The following MACROD2 variants were observed in gnomAD, a reference collection of about 807,000 sequenced individuals.
MACROD2 encodes the protein mono-ADP ribosylhydrolase 2, also known as ADP-ribose glycohydrolase MACROD2.
MACROD2 carries 36 observed loss-of-function variants against 70.4 expected under a neutral mutation model. The ratio of observed to expected loss-of-function variants is 0.51; its 90% CI spans 0.39 to 0.68. MACROD2 has a LOEUF of 0.68. MACROD2 is among the 30% of genes least tolerant of loss of function. MACROD2 has a pLI of 0.00. For missense variants in MACROD2, 496 were observed against 538.4 expected (o/e 0.92, Z 0.78); for synonymous variants, 172 against 178.8 (o/e 0.96, Z 0.30).
chr20:14,999,179 T>A (rs1025715556), intron 5 of MACROD2, among the ~76,000 whole-genome samples: 1 of 152,044 alleles, frequency 6.6e-6, no homozygotes, highest in African/African-American at 2.4e-5. Context: ...TAATAAGCAA[T>A]AGGAAATCAT....
intron 5 of MACROD2, among the ~76,000 whole-genome samples, chr20:15,203,969 G>A (rs1027388507): frequency 6.6e-6 from 1 of 152,044 alleles, no homozygotes; most frequent in African/African-American, 2.4e-5. Flanking sequence ...GAGTGTGAAT[G>A]GTATAAAATA....
intron 2 of MACROD2, among the ~76,000 whole-genome samples, chr20:14,043,037 G>GT (rs1182694790): frequency 1.3e-5 from 2 of 151,850 alleles, no homozygotes; most frequent in Non-Finnish European, 2.9e-5. Context: ...TCCTGCTTCA[G>GT]TCTCCCAAGT....
intron 5 of MACROD2, among the ~76,000 whole-genome samples, chr20:15,198,490 AT>A (rs997669363): frequency 6.6e-6 from 1 of 152,136 alleles, no homozygotes; most frequent in Admixed American, 6.6e-5. Flanking sequence ...CATTTTTATT[AT>A]TTTTTATACC....
chr20:14,806,843 G>A (rs905436792), intron 5 of MACROD2, among the ~76,000 whole-genome samples: 5 of 152,146 alleles, frequency 3.3e-5, no homozygotes, highest in African/African-American at 1.2e-4. Flanking sequence ...AACTGGGCAG[G>A]GCCCACCGCA....
At chr20:15,972,181 A>C (rs1231526898) in intron 13 of MACROD2, among the ~76,000 whole-genome samples, 1 of 151,346 alleles carries the variant, frequency 6.6e-6, no homozygotes, top group Non-Finnish European at 1.5e-5. Context: ...TGAAAACAGA[A>C]TAAGTGACTG....
chr20:14,455,581 A>C (rs1450088231), intron 3 of MACROD2, among the ~76,000 whole-genome samples: 1 of 151,862 alleles, frequency 6.6e-6, no homozygotes. Context: ...TTTAATCCAC[A>C]AAAGATGTAA....
chr20:15,265,157 G>GT (rs2077282261), intron 6 of MACROD2, among the ~76,000 whole-genome samples: 1 of 152,174 alleles, frequency 6.6e-6, no homozygotes, highest in Non-Finnish European at 1.5e-5. Flanking sequence ...GTGCTAAGAA[G>GT]TGGCTATTTG....
chr20:15,053,325 G>C (rs1221656034), intron 5 of MACROD2, among the ~76,000 whole-genome samples: 1 of 152,206 alleles, frequency 6.6e-6, no homozygotes, highest in Non-Finnish European at 1.5e-5. Context: ...AGAAGTCATA[G>C]GTTGGCCTCA....
chr20:14,666,378 C>G (rs1293911359), intron 4 of MACROD2, among the ~76,000 whole-genome samples: 2 of 152,102 alleles, frequency 1.3e-5, no homozygotes, highest in Non-Finnish European at 2.9e-5. Context: ...TGAAAACATT[C>G]TTAGCAGGGA....
At chr20:14,360,219 A>G (rs933693977) in intron 3 of MACROD2, among the ~76,000 whole-genome samples, 1 of 152,154 alleles carries the variant, frequency 6.6e-6, no homozygotes, top group Non-Finnish European at 1.5e-5. Context: ...GACTATAGCT[A>G]AATAAAAATC....
At chr20:14,452,149 A>T (rs550603680) in intron 3 of MACROD2, among the ~76,000 whole-genome samples, 25 of 152,220 alleles carry the variant, frequency 1.6e-4, no homozygotes, top group Middle Eastern at 3.4e-3. Flanking sequence ...AATTACAAGG[A>T]TAGAAGATAA....
At chr20:15,545,985 T>A (rs2048021293) in intron 8 of MACROD2, among the ~76,000 whole-genome samples, 1 of 152,244 alleles carries the variant, frequency 6.6e-6, no homozygotes, top group African/African-American at 2.4e-5. Context: ...CTGGGCACGA[T>A]GGCTCATGCC....
At chr20:15,599,599 C>T (rs1340322543) in intron 8 of MACROD2, among the ~76,000 whole-genome samples, 1 of 152,142 alleles carries the variant, frequency 6.6e-6, no homozygotes, top group African/African-American at 2.4e-5. Context: ...TAATAATAAA[C>T]TCCTAATGAG....
chr20:15,756,228 G>A (rs2051345137), intron 8 of MACROD2, among the ~76,000 whole-genome samples: 1 of 152,152 alleles, frequency 6.6e-6, no homozygotes, highest in Admixed American at 6.5e-5. Flanking sequence ...CACTTGGTTG[G>A]CAGAGTGAAA....
At chr20:15,596,854 G>A (rs2048752432) in intron 8 of MACROD2, among the ~76,000 whole-genome samples, 1 of 152,210 alleles carries the variant, frequency 6.6e-6, no homozygotes, top group South Asian at 2.1e-4. Context: ...AAGGTCCACA[G>A]AATCATTGCA....
chr20:16,031,589 G>A (rs2067152243), intron 15 of MACROD2, among the ~76,000 whole-genome samples: 1 of 152,066 alleles, frequency 6.6e-6, no homozygotes, highest in Non-Finnish European at 1.5e-5. Context: ...ACTGATGTGG[G>A]CCTGGATAAA....
intron 3 of MACROD2, among the ~76,000 whole-genome samples, chr20:14,215,063 C>CAT (rs529054926): frequency 7.4e-6 from 1 of 134,728 alleles, no homozygotes; most frequent in Non-Finnish European, 1.5e-5. Context: ...TATATTCCAT[C>CAT]ATATATCTAT....
At chr20:15,607,352 G>A (rs1009196225) in intron 8 of MACROD2, among the ~76,000 whole-genome samples, 3 of 152,118 alleles carry the variant, frequency 2.0e-5, no homozygotes, top group Non-Finnish European at 4.4e-5. Flanking sequence ...CCCCTAATTA[G>A]GTTTGCTTGG....
chr20:14,449,350 C>T (rs2084219514), intron 3 of MACROD2, among the ~76,000 whole-genome samples: 1 of 152,068 alleles, frequency 6.6e-6, no homozygotes, highest in South Asian at 2.1e-4. Context: ...TTTTCAGCAT[C>T]CACTAAATAC....
Sources: allele counts gnomAD v4.1 joint callset (sites outside exome capture counted in the v4.1 genomes callset), GRCh38; gene constraint gnomAD v4.1.1; transcripts MANE v1.5; gene names NCBI Gene and HGNC (gene_info 2026-07-23, HGNC 2026-07-21).